The following FGF12 variants were observed in gnomAD, a reference collection of about 807,000 sequenced individuals.
The protein encoded by FGF12 is fibroblast growth factor 12B.
Under a neutral mutation model 23.6 loss-of-function variants are expected in FGF12, and 14 were observed. The observed-to-expected ratio is 0.59, with a 90% CI of 0.39 to 0.93. FGF12 has a LOEUF of 0.93. Ranked by LOEUF, FGF12 falls within the 40% of genes least tolerant of loss-of-function variation. FGF12 has a pLI of 0.00. For synonymous variants in FGF12, 62 were observed against 77.3 expected, an observed-to-expected ratio of 0.80 and a Z score of 1.04; for missense variants, 175 against 217.8, an observed-to-expected ratio of 0.80 and a Z score of 1.24.
At chr3:192,662,565 A>G (rs1716712344) in intron 2 of FGF12, among the ~76,000 whole-genome samples, 1 of 152,158 alleles carries the variant, frequency 6.6e-6, no homozygotes, top group South Asian at 2.1e-4. Flanking sequence ...GATCCTCTAC[A>G]AAGAGGAGCC....
rs983619101 is a variant in FGF12, at chr3:192,717,615, T to C, written c.13+9566A>G. ...AAGCATAGAAAGAAAATCTGCTTTA[T>C]GGGAAAAAAACTGTAATAAAATATG... On this transcript the variant is annotated intron_variant, in intron 2 of 5. Coordinates refer to ENST00000445105, the MANE Select transcript of FGF12 (RefSeq NM_004113.6). Among the ~76,000 whole-genome samples, 5 of 152,094 alleles carry C rather than the reference T, an allele frequency of 3.3e-5. No homozygotes were observed. The South Asian group carries it at 1.0e-3, about 32-fold the overall frequency.
At chr3:192,549,415 C>T (rs554828132) in intron 2 of FGF12, among the ~76,000 whole-genome samples, 5 of 152,030 alleles carry the variant, frequency 3.3e-5, no homozygotes, top group Admixed American at 6.6e-5. Context: ...GAAAAATAGA[C>T]ATTTATTATT....
At chr3:192,532,900 G>A (rs1233708725) in intron 2 of FGF12, among the ~76,000 whole-genome samples, 2 of 152,102 alleles carry the variant, frequency 1.3e-5, no homozygotes, top group Non-Finnish European at 2.9e-5. Context: ...CCATATTTAT[G>A]TGGCATGACA....
chr3:192,569,303 T>C (rs1056673838), intron 2 of FGF12, among the ~76,000 whole-genome samples: 1 of 152,206 alleles, frequency 6.6e-6, no homozygotes, highest in African/African-American at 2.4e-5. Flanking sequence ...ATCTAATGAA[T>C]GTTTATTTCT....
At chr3:192,665,602 T>G (rs2108687961) in intron 2 of FGF12, among the ~76,000 whole-genome samples, 1 of 150,076 alleles carries the variant, frequency 6.7e-6, no homozygotes, top group South Asian at 2.1e-4. Context: ...ACGGGGGCCT[T>G]TTGGGGGTGG....
At chr3:192,719,066 C>A (rs893999736) in intron 2 of FGF12, among the ~76,000 whole-genome samples, 1 of 151,560 alleles carries the variant, frequency 6.6e-6, no homozygotes, top group Non-Finnish European at 1.5e-5. Flanking sequence ...GATCCCAGAT[C>A]TTCTAGCATT....
chr3:192,630,342 C>A (rs933237181), intron 2 of FGF12, among the ~76,000 whole-genome samples: 1 of 151,818 alleles, frequency 6.6e-6, no homozygotes, highest in South Asian at 2.1e-4. Context: ...TATAGCAATG[C>A]GAGAACAGCC....
At chr3:192,395,916 AAAAG>A (rs1389684473) in intron 2 of FGF12, among the ~76,000 whole-genome samples, 1 of 152,202 alleles carries the variant, frequency 6.6e-6, no homozygotes, top group Non-Finnish European at 1.5e-5. Context: ...TCTATAAACT[AAAAG>A]AACTGAAATG....
chr3:192,228,525 C>G (rs541507373), intron 4 of FGF12, among the ~76,000 whole-genome samples: 1 of 152,142 alleles, frequency 6.6e-6, no homozygotes, highest in African/African-American at 2.4e-5. Flanking sequence ...AGGCGCGTCA[C>G]CTTTGGACAG....
chr3:192,384,437 A>G (rs1363516383), intron 2 of FGF12, among the ~76,000 whole-genome samples: 2 of 152,186 alleles, frequency 1.3e-5, no homozygotes, highest in African/African-American at 2.4e-5. Context: ...GTGAGAGAGG[A>G]TGAGATTTAG....
chr3:192,196,832 C>A (rs1717092500), intron 4 of FGF12, among the ~76,000 whole-genome samples: 1 of 151,730 alleles, frequency 6.6e-6, no homozygotes, highest in East Asian at 1.9e-4. Context: ...ATTCAGTTTT[C>A]AGAGACCATA....
chr3:192,506,892 GTTT>G (rs34935744), intron 2 of FGF12, among the ~76,000 whole-genome samples: 3 of 123,382 alleles, frequency 2.4e-5, no homozygotes, highest in Admixed American at 8.0e-5. Context: ...CATTAACTCA[GTTT>G]TTTTTTTTTT....
At chr3:192,452,264 T>C (rs145840065) in intron 2 of FGF12, among the ~76,000 whole-genome samples, 2 of 152,216 alleles carry the variant, frequency 1.3e-5, no homozygotes, top group South Asian at 2.1e-4. Flanking sequence ...GTTGACCATG[T>C]GAATTTTAAC....
chr3:192,248,916 G>A (rs925707651), intron 4 of FGF12, among the ~76,000 whole-genome samples: 5 of 152,130 alleles, frequency 3.3e-5, no homozygotes, highest in African/African-American at 1.2e-4. Context: ...ATCACTCTCT[G>A]TCTACCATTA....
In FGF12 at chr3:192,360,559, T is replaced by C; in HGVS notation, c.14-21A>G. 6.4e-7 allele frequency: 1 copy of C among 1,561,816 alleles called. No individual in the cohort carries two copies. The highest frequency in any genetic ancestry group is 8.8e-7 in the Non-Finnish European group (1 of 1,132,634). Reference sequence around the variant, plus strand: ...GGGTTCTGCAAAACAAAATAATTATTCAAATTTTTATTTGGCTTACACAAA... The same window carrying C: ...GGGTTCTGCAAAACAAAATAATTATCCAAATTTTTATTTGGCTTACACAAA... On this transcript the variant is annotated intron_variant, in intron 2 of 5. Coordinates refer to ENST00000445105, the MANE Select transcript of FGF12 (RefSeq NM_004113.6). This position sits in a 1 kb window ranked among gnomAD's most constrained non-coding sequence, Gnocchi z 4.3.
chr3:192,641,512 C>T (rs1371182331), intron 2 of FGF12, among the ~76,000 whole-genome samples: 1 of 151,002 alleles, frequency 6.6e-6, no homozygotes, highest in East Asian at 2.0e-4. Flanking sequence ...TCCAGCGATT[C>T]TCCTGCCTCA....
chr3:192,377,189 C>G (rs532501501), intron 2 of FGF12, among the ~76,000 whole-genome samples: 52 of 152,316 alleles, frequency 3.4e-4, no homozygotes, highest in African/African-American at 1.2e-3. Context: ...TTCTAGATCA[C>G]CATCTCTCAG....
intron 4 of FGF12, among the ~76,000 whole-genome samples, chr3:192,273,800 T>C (rs1713601685): frequency 6.6e-6 from 1 of 152,174 alleles, no homozygotes; most frequent in African/African-American, 2.4e-5. Context: ...TTTGCAACCT[T>C]GAGACAGCAA....
At chr3:192,352,743 C>A (rs952183869) in intron 3 of FGF12, among the ~76,000 whole-genome samples, 1 of 152,116 alleles carries the variant, frequency 6.6e-6, no homozygotes. Flanking sequence ...GCCCTATGAT[C>A]TAAATATTAT....
Sources: allele counts gnomAD v4.1 joint callset (sites outside exome capture counted in the v4.1 genomes callset), GRCh38; gene constraint gnomAD v4.1.1; non-coding constraint Gnocchi (gnomAD v3.1); transcripts MANE v1.5; gene names NCBI Gene and HGNC (gene_info 2026-07-23, HGNC 2026-07-21).